Variants in PPP1R7 observed in about 807,000 individuals in gnomAD.
PPP1R7 encodes protein phosphatase 1 regulatory subunit 7, also known as protein phosphatase 1 regulatory subunit 22.
In PPP1R7, 18 loss-of-function variants were observed where a neutral mutation model predicts 45.2. The ratio of observed to expected loss-of-function variants is 0.40; its 90% CI spans 0.28 to 0.59. The LOEUF is 0.59. PPP1R7 is among the 20% of genes least tolerant of loss of function. The pLI is 0.46. For missense variants in PPP1R7, 314 were observed against 455.8 expected, an observed-to-expected ratio of 0.69 and a Z score of 2.83; for synonymous variants, 181 against 183.4, an observed-to-expected ratio of 0.99 and a Z score of 0.11.
chr2:241,156,346 C>T (rs1484179872), intron 2 of PPP1R7, among the ~76,000 whole-genome samples: 1 of 152,232 alleles, frequency 6.6e-6, no homozygotes, highest in Non-Finnish European at 1.5e-5. Flanking sequence ...TTTCCTACAA[C>T]AGAAAACTGC....
intron 5 of PPP1R7, 77 bp from the exon 6 acceptor site, chr2:241,160,255 T>A: frequency 1.1e-5 from 11 of 1,022,394 alleles, no homozygotes; most frequent in East Asian, 7.6e-5. Flanking sequence ...GGACGCCACC[T>A]TTAGTGGTTA....
rs1473563074 is a variant in PPP1R7 at position 241,183,011 on chromosome 2, C to A, written c.*188C>A. 3 of 629,276 alleles carry A rather than the reference C, an allele frequency of 4.8e-6. No homozygotes were observed. The highest frequency in any genetic ancestry group is 1.8e-5 in the African/African-American group (1 of 54,446). The allele number at this position is 629,276 out of a possible 1,614,324, so 39.0% of individuals were successfully genotyped here. On this transcript the variant is annotated 3_prime_UTR_variant, in exon 10 of 10. Coordinates refer to ENST00000234038, the MANE Select transcript of PPP1R7 (RefSeq NM_002712.3). ...TTTTCAGATGCCGTTGCAATTAAAT[C>A]TTGCCACACTGTCCTCCTGGGTGAT...
chr2:241,169,742 CAG>C (rs2067782417), intron 8 of PPP1R7, 37 bp from the exon 9 acceptor site: 1 of 1,531,768 alleles, frequency 6.5e-7, no homozygotes, highest in African/African-American at 1.4e-5. Flanking sequence ...CACTGTTGAT[CAG>C]AGGTAATCCA....
chr2:241,150,187 G>A, upstream of PPP1R7: 2 of 1,281,634 alleles, frequency 1.6e-6, no homozygotes, highest in Non-Finnish European at 9.8e-7. Flanking sequence ...ACTCTGCCTA[G>A]ACGTCCACTC....
chr2:241,169,917 C>A, intron 9 of PPP1R7, 50 bp downstream of exon 9: 1 of 1,394,032 alleles, frequency 7.2e-7, no homozygotes, highest in South Asian at 1.2e-5. Flanking sequence ...AAACTGGTCT[C>A]ACTGATTAAA....
chr2:241,154,940 A>G (rs1207468286), intron 2 of PPP1R7: 1 of 152,250 alleles, frequency 6.6e-6, no homozygotes, highest in Non-Finnish European at 1.5e-5. Flanking sequence ...GTGCCAGCAA[A>G]GATGATTGGT....
At chr2:241,169,902 T>A (rs765283082) in intron 9 of PPP1R7, 35 bp downstream of exon 9, 7 of 1,480,230 alleles carry the variant, frequency 4.7e-6, no homozygotes, top group Non-Finnish European at 6.6e-6. Context: ...GATGACACTT[T>A]GACTAAACTG....
chr2:241,174,096 C>T (rs2149068390), intron 9 of PPP1R7, among the ~76,000 whole-genome samples: 1 of 152,268 alleles, frequency 6.6e-6, no homozygotes, highest in Non-Finnish European at 1.5e-5. Flanking sequence ...ATCTGACAGG[C>T]AATTAAGTTA....
At chr2:241,149,690 C>T (rs1377063340), upstream of PPP1R7, 4 of 1,550,058 alleles carry the variant, frequency 2.6e-6, no homozygotes, top group South Asian at 1.2e-5. Flanking sequence ...GGTTTCCTCC[C>T]GACTCGCGAT....
intron 8 of PPP1R7, among the ~76,000 whole-genome samples, chr2:241,168,688 C>T (rs1575400388): frequency 6.6e-6 from 1 of 152,098 alleles, no homozygotes; most frequent in Admixed American, 6.5e-5. Context: ...TGGAGAGTGG[C>T]GTCAGACTTG....
intron 9 of PPP1R7, among the ~76,000 whole-genome samples, chr2:241,176,496 C>T (rs1455199190): frequency 2.0e-5 from 3 of 147,228 alleles, no homozygotes; most frequent in East Asian, 2.0e-4. Flanking sequence ...TTGCTCCTGT[C>T]GTCCAGGCTA....
In PPP1R7 at chr2:241,182,857, C is replaced by T. The variant is rs758399388; in HGVS notation, c.*34C>T. 10 of 1,592,476 alleles carry T rather than the reference C, an allele frequency of 6.3e-6. No homozygotes were observed. Among genetic ancestry groups the T allele is most frequent in the South Asian group, 4.4e-5 (4 of 90,250 alleles). ...TGGCTCCTCATGTGGTCCCTCTCCT[C>T]GGAAGAACTGCCCAGCCACGGGTTT... On this transcript the variant is annotated 3_prime_UTR_variant, in exon 10 of 10. Transcript: ENST00000234038.
intron 5 of PPP1R7, among the ~76,000 whole-genome samples, chr2:241,159,957 T>C (rs1179091060): frequency 6.6e-6 from 1 of 152,260 alleles, no homozygotes; most frequent in African/African-American, 2.4e-5. Context: ...CATTTTTGCT[T>C]GTTTTGTTTC....
chr2:241,170,840 C>G (rs188289930), intron 9 of PPP1R7, among the ~76,000 whole-genome samples: 10 of 152,282 alleles, frequency 6.6e-5, no homozygotes, highest in South Asian at 2.1e-4. Context: ...CTGGGAAGAT[C>G]AGAGCCAGAA....
chr2:241,150,532 C>T lies in PPP1R7; in HGVS notation c.37C>T (p.Gln13Ter). Residue 13 changes from glutamine (Q) to a stop codon, truncating the protein, a stop_gained, in exon 1 of 10, where the codon CAG becomes TAG. Transcript: ENST00000234038. LOFTEE classifies it high-confidence loss of function. Reference sequence around the variant, plus strand: ...ACGCGGCGCGGGGCAGCAACAGTCGCAGGAGATGATGGAGGGTGAGCGGCC... The same window carrying T: ...ACGCGGCGCGGGGCAGCAACAGTCGTAGGAGATGATGGAGGGTGAGCGGCC... ...AERGAGQQQS[Q>*]EMMEVDRRVE... 1 of 1,598,304 alleles carries T rather than the reference C, an allele frequency of 6.3e-7. No homozygotes were observed. Among genetic ancestry groups the T allele is most frequent in the Non-Finnish European group, 8.5e-7 (1 of 1,173,936 alleles).
chr2:241,160,512 T>C lies in PPP1R7; in HGVS notation c.597+18T>C. On this transcript the variant is annotated intron_variant, in intron 6 of 9. Coordinates refer to ENST00000234038, the MANE Select transcript of PPP1R7 (RefSeq NM_002712.3). Reference sequence around the variant, plus strand: ...GCATCCGGGTAGGTGCAGACAGCCCTGACTAGTATATTCAGGGAGAGGCAG... The same window carrying C: ...GCATCCGGGTAGGTGCAGACAGCCCCGACTAGTATATTCAGGGAGAGGCAG... The C allele has an allele frequency of 6.4e-7, 1 of 1,571,460 alleles. No individual in the cohort carries two copies. Among genetic ancestry groups the C allele is most frequent in the South Asian group, 1.2e-5 (1 of 84,022 alleles).
At chr2:241,155,481 T>A (rs1197057861) in intron 2 of PPP1R7, among the ~76,000 whole-genome samples, 1 of 152,244 alleles carries the variant, frequency 6.6e-6, no homozygotes, top group African/African-American at 2.4e-5. Context: ...TTTATTTAAG[T>A]CTTAAATTCA....
At chr2:241,180,301 C>T (rs1213796729) in intron 9 of PPP1R7, among the ~76,000 whole-genome samples, 1 of 146,360 alleles carries the variant, frequency 6.8e-6, no homozygotes, top group Admixed American at 7.0e-5. Flanking sequence ...CAGTGGTGTT[C>T]AGTCTTTGGG....
Position 241,183,578 on chromosome 2 carries a change from A to T in PPP1R7, c.*755A>T, listed in dbSNP as rs2068046539. ...CCTCCAAGGATCTGAACTCTTGGCC[A>T]CTGGTATAGTGGCCTCCTGTTCTCA... On this transcript the variant is annotated 3_prime_UTR_variant, in exon 10 of 10. Coordinates refer to ENST00000234038, the MANE Select transcript of PPP1R7 (RefSeq NM_002712.3). The T allele has an allele frequency of 2.5e-6, 1 of 393,840 alleles. No homozygotes were observed. The highest frequency in any genetic ancestry group is 3.4e-5 in the Admixed American group (1 of 29,428). 24.4% of individuals were successfully genotyped at this position (393,840 alleles called of 1,614,324 possible).
Sources: gnomAD v4.1 joint callset for allele counts (sites outside exome capture counted in the v4.1 genomes callset) on GRCh38, gnomAD v4.1.1 for gene constraint, MANE v1.5 for transcripts, NCBI Gene and HGNC (gene_info 2026-07-23, HGNC 2026-07-21) for gene names.